The following ATP13A4 variants were observed in gnomAD, a reference collection of about 807,000 sequenced individuals.
ATP13A4 encodes probable cation-transporting ATPase 13A4.
ATP13A4 carries 114 observed loss-of-function variants against 142.5 expected under a neutral mutation model. The ratio of observed to expected loss-of-function variants is 0.80; its 90% confidence interval spans 0.69 to 0.93. The LOEUF (loss-of-function observed/expected upper bound fraction) is 0.93. Among genes scored for constraint, ATP13A4 ranks in the 40% least tolerant of loss-of-function variants. ATP13A4 has a pLI of 0.00. For synonymous variants in ATP13A4, 488 were observed against 514.8 expected, an observed-to-expected ratio of 0.95 and a Z score of 0.70; for missense variants, 1,392 against 1,454.0, an observed-to-expected ratio of 0.96 and a Z score of 0.69.
chr3:193,402,567 C>T lies in ATP13A4; in HGVS notation c.*85G>A. On this transcript the variant is annotated 3_prime_UTR_variant, in exon 30 of 30. Coordinates refer to ENST00000342695, the MANE Select transcript of ATP13A4 (RefSeq NM_032279.4). The stretch of plus-strand genomic sequence containing the variant: ...AGCCCCAAAACTCCAGCTGATGTTA[C>T]AAGAGTCTCATTTCTTAAAATCAAT... 1.3e-6 allele frequency: 1 copy of T among 749,362 alleles called. No homozygotes were observed. The highest frequency in any genetic ancestry group is 2.5e-6 in the Non-Finnish European group (1 of 407,870). The allele number at this position is 749,362 out of a possible 1,614,324, so 46.4% of individuals were successfully genotyped here.
chr3:193,573,553 C>T (rs1419344434), intron 2 of ATP13A4, among the ~76,000 whole-genome samples: 2 of 151,826 alleles, frequency 1.3e-5, no homozygotes, highest in African/African-American at 4.8e-5. Flanking sequence ...AACCTCCTTC[C>T]CTGCCTTCTC....
intron 7 of ATP13A4, among the ~76,000 whole-genome samples, chr3:193,487,073 A>C (rs968380801): frequency 6.6e-6 from 1 of 152,132 alleles, no homozygotes; most frequent in African/African-American, 2.4e-5. Flanking sequence ...TCATTTTTTA[A>C]AAGTCAGATA....
Position 193,441,597 on chromosome 3 carries a change from C to A in ATP13A4, c.2317-9G>T. Reference sequence around the variant, plus strand: ...ATGTTAATGTAATTGTCCTACAAAGCAAGACACAGTTATTTTAGACTCTTT... The same window carrying A: ...ATGTTAATGTAATTGTCCTACAAAGAAAGACACAGTTATTTTAGACTCTTT... On this transcript the variant is annotated splice_polypyrimidine_tract_variant and intron_variant, in intron 19 of 29. Transcript: ENST00000342695. 6.2e-7 allele frequency: 1 copy of A among 1,612,718 alleles called. No individual in the cohort carries two copies. Among genetic ancestry groups the A allele is most frequent in the East Asian group, 2.2e-5 (1 of 44,778 alleles).
chr3:193,489,218 C>T (rs926463292), intron 7 of ATP13A4, among the ~76,000 whole-genome samples: 2 of 152,096 alleles, frequency 1.3e-5, no homozygotes, highest in African/African-American at 2.4e-5. Context: ...TTGGCATTCA[C>T]GGATTTATAG....
chr3:193,501,520 G>A (rs1720537798), intron 3 of ATP13A4, among the ~76,000 whole-genome samples: 3 of 151,146 alleles, frequency 2.0e-5, no homozygotes, highest in African/African-American at 7.3e-5. Flanking sequence ...CCCGGGAGGT[G>A]GAGGTTGCAG....
intron 8 of ATP13A4, among the ~76,000 whole-genome samples, chr3:193,477,222 T>C (rs1001741570): frequency 6.6e-6 from 1 of 152,104 alleles, no homozygotes; most frequent in Non-Finnish European, 1.5e-5. Context: ...TTAAAAGATG[T>C]GACAAAGGAA....
chr3:193,412,269 A>T lies in ATP13A4; in HGVS notation c.3117T>A (p.Thr1039=). The stretch of plus-strand genomic sequence containing the variant: ...TGATTGTTCCCAAGAACCAGACTGT[A>T]GTGTTCTCAAAACTTGTGAAGGTGC... ...SNSTFTSFEN[T]TVWFLGTINC... is the part of the protein sequence containing the mutation. Residue 1039 remains threonine (T), a synonymous_variant, in exon 27 of 30, where the codon ACT becomes ACA. Coordinates refer to ENST00000342695, the MANE Select transcript of ATP13A4 (RefSeq NM_032279.4). 6.2e-7 allele frequency: 1 copy of T among 1,613,390 alleles called. No homozygotes were observed.
intron 25 of ATP13A4, 145 bp from the exon 26 acceptor site, chr3:193,414,895 T>C (rs1406595229): frequency 2.5e-6 from 2 of 790,668 alleles, no homozygotes; most frequent in Non-Finnish European, 4.2e-6. Context: ...AAACAATTAA[T>C]GGACTCAAAT....
At chr3:193,569,121 G>T (rs1724203230) in intron 2 of ATP13A4, among the ~76,000 whole-genome samples, 2 of 152,190 alleles carry the variant, frequency 1.3e-5, no homozygotes, top group Admixed American at 6.5e-5. Context: ...AGGTGATCAA[G>T]GTCAACATCC....
upstream of ATP13A4, among the ~76,000 whole-genome samples, chr3:193,559,035 C>T (rs941432936): frequency 7.9e-5 from 12 of 152,170 alleles, no homozygotes; most frequent in Admixed American, 2.0e-4. Flanking sequence ...ATGGCAGGAC[C>T]GGTTTCTCTG....
At chr3:193,485,983 A>C (rs1184495967) in intron 7 of ATP13A4, among the ~76,000 whole-genome samples, 5 of 151,538 alleles carry the variant, frequency 3.3e-5, no homozygotes, top group Non-Finnish European at 7.4e-5. Flanking sequence ...AGAGATTGCA[A>C]AAATGTAAAA....
intron 25 of ATP13A4, among the ~76,000 whole-genome samples, chr3:193,415,877 T>C (rs748350457): frequency 4.6e-5 from 7 of 152,230 alleles, no homozygotes; most frequent in Admixed American, 1.3e-4. Context: ...TAGAATGCTA[T>C]GTAAATGCCC....
Position 193,467,381 on chromosome 3 carries a change from C to T in ATP13A4, c.1049G>A (p.Gly350Glu), listed in dbSNP as rs768044159. ...TGCCTTGGCCTGGATAACCTCTGTT[C>T]CACAGAAGAGGACATGCCGCTTGTA... ...ADYKRHVLFC[G>E]TEVIQAKAAC... is the part of the protein sequence containing the mutation. Residue 350 changes from glycine (G) to glutamate (E), a missense_variant, in exon 10 of 30, where the codon GGA becomes GAA. Coordinates refer to ENST00000342695, the MANE Select transcript of ATP13A4 (RefSeq NM_032279.4). 82 of 1,614,020 alleles carry T rather than the reference C, an allele frequency of 5.1e-5. 1 individual carries two copies. In the South Asian group the frequency reaches 8.3e-4, roughly 16 times the overall value.
intron 23 of ATP13A4, 80 bp downstream of exon 23, chr3:193,438,395 A>G (rs1482329503): frequency 1.7e-6 from 2 of 1,196,826 alleles, no homozygotes; most frequent in South Asian, 1.3e-5. Context: ...AAGTTTCTCT[A>G]GTCTTTCCCA....
intron 2 of ATP13A4, among the ~76,000 whole-genome samples, chr3:193,577,710 G>A (rs1724427253): frequency 6.6e-6 from 1 of 152,202 alleles, no homozygotes; most frequent in South Asian, 2.1e-4. Context: ...GAGGGTGAGT[G>A]CAAGAGCACA....
chr3:193,465,456 G>A (rs925313061), intron 11 of ATP13A4, among the ~76,000 whole-genome samples: 1 of 152,182 alleles, frequency 6.6e-6, no homozygotes, highest in African/African-American at 2.4e-5. Flanking sequence ...CCAAAGTGCT[G>A]AGATTACAGG....
At position 193,465,251 on chromosome 3, in the gene ATP13A4, G is replaced by A. The variant is rs1052912064; in HGVS notation, c.1273-123C>T. ...CGCCCAGGCTGGAATACAGTGGTGT[G>A]ATCTCAGCTCATTGCAACCTCCACC... On this transcript the variant is annotated intron_variant, in intron 11 of 29. Transcript: ENST00000342695. 8.5e-5 allele frequency: 84 copies of A among 989,150 alleles called. 2 individuals carry two copies. The Middle Eastern group carries it at 9.3e-4, about 11-fold the overall frequency. The allele number at this position is 989,150 out of a possible 1,614,324, so 61.3% of individuals were successfully genotyped here.
In ATP13A4 at chr3:193,542,964, G is replaced by A. The variant is rs185461180; in HGVS notation, c.60+11776C>T. On this transcript the variant is annotated intron_variant, in intron 1 of 29. Coordinates refer to ENST00000342695, the MANE Select transcript of ATP13A4 (RefSeq NM_032279.4). Reference sequence around the variant, plus strand: ...GCAGATCACAAGGTCAGGAGATCGAGACCATCCTGGCTAACATGGTGAAAC... The same window carrying A: ...GCAGATCACAAGGTCAGGAGATCGAAACCATCCTGGCTAACATGGTGAAAC... 2.9e-3 allele frequency among the ~76,000 whole-genome samples: 446 copies of A among 152,280 alleles called. 3 individuals carry two copies. Among genetic ancestry groups the A allele is most frequent in the African/African-American group, 1.0e-2 (414 of 41,558 alleles).
At chr3:193,574,590 C>A (rs991391680) in intron 2 of ATP13A4, among the ~76,000 whole-genome samples, 34 of 151,110 alleles carry the variant, frequency 2.3e-4, no homozygotes, top group African/African-American at 8.0e-4. Flanking sequence ...GTGGCATGCA[C>A]CTGTAATCCT....
Sources: gnomAD v4.1 joint callset for allele counts (sites outside exome capture counted in the v4.1 genomes callset) on GRCh38, gnomAD v4.1.1 for gene constraint, MANE v1.5 for transcripts, NCBI Gene and HGNC (gene_info 2026-07-23, HGNC 2026-07-21) for gene names.